The following IQCJ variants were observed in gnomAD, a reference collection of about 807,000 sequenced individuals.
The protein encoded by IQCJ is IQ motif containing J.
A neutral mutation model predicts 11.0 loss-of-function variants in IQCJ; 9 were observed. The ratio of observed to expected loss-of-function variants is 0.82; its 90% CI spans 0.49 to 1.43. IQCJ has a LOEUF of 1.43. IQCJ is among the 40% of genes most tolerant of loss of function. IQCJ has a pLI of 0.00. For missense variants in IQCJ, 146 were observed against 133.2 expected (o/e 1.10, Z -0.47); for synonymous variants, 55 against 51.3 (o/e 1.07, Z -0.31).
intron 1 of IQCJ, among the ~76,000 whole-genome samples, chr3:159,174,368 G>T (rs1722658192): frequency 6.6e-6 from 1 of 151,786 alleles, no homozygotes; most frequent in African/African-American, 2.4e-5. Flanking sequence ...ATTCTCTCAA[G>T]GTGCAAATGG....
At chr3:159,259,107 CA>C (rs1450657366) in intron 3 of IQCJ, among the ~76,000 whole-genome samples, 1 of 152,158 alleles carries the variant, frequency 6.6e-6, no homozygotes, top group Non-Finnish European at 1.5e-5. Flanking sequence ...TATGCATTGG[CA>C]ACCCGGACTG....
Position 159,090,231 on chromosome 3 carries a change from C to CG in IQCJ, c.9+20796dup, listed in dbSNP as rs938662994. ...TGGGGTGCCTCCCGGTTAGGCTGCT[C>CG]GGGGGGTCAGGGGTCAGGGGTCAGG... On this transcript the variant is annotated intron_variant, in intron 1 of 3. Coordinates refer to ENST00000397832, the MANE Select transcript of IQCJ (RefSeq NM_001042706.3). Among the ~76,000 whole-genome samples the CG allele has an allele frequency of 5.3e-5, 8 of 151,354 alleles. 1 individual carries two copies. The highest frequency in any genetic ancestry group is 1.5e-5 in the Non-Finnish European group (1 of 67,994).
intron 1 of IQCJ, among the ~76,000 whole-genome samples, chr3:159,127,658 G>C (rs1719752840): frequency 2.0e-5 from 3 of 152,150 alleles, no homozygotes; most frequent in Non-Finnish European, 4.4e-5. Flanking sequence ...AGTGCATTTA[G>C]TCGTGTTGAC....
At chr3:159,194,364 T>G (rs987974857) in intron 1 of IQCJ, among the ~76,000 whole-genome samples, 3 of 152,218 alleles carry the variant, frequency 2.0e-5, no homozygotes, top group Non-Finnish European at 2.9e-5. Context: ...CTCTGTATGT[T>G]AAGTGCCACT....
chr3:159,146,427 T>A (rs1289539603), intron 1 of IQCJ, among the ~76,000 whole-genome samples: 2 of 152,190 alleles, frequency 1.3e-5, no homozygotes, highest in Non-Finnish European at 2.9e-5. Flanking sequence ...CTTTGAAGCT[T>A]ACTTTAGATT....
chr3:159,265,335 C>T (rs563883596), downstream of IQCJ: 4 of 1,613,770 alleles, frequency 2.5e-6, no homozygotes, highest in South Asian at 1.1e-5. Flanking sequence ...GCTTGCCAGA[C>T]CCACTGGGTT....
intron 1 of IQCJ, among the ~76,000 whole-genome samples, chr3:159,129,418 C>T (rs1719866787): frequency 6.6e-6 from 1 of 152,124 alleles, no homozygotes; most frequent in African/African-American, 2.4e-5. Flanking sequence ...AAATATATTC[C>T]ATTATTTGTA....
chr3:159,095,536 C>T (rs1450560554), intron 1 of IQCJ, among the ~76,000 whole-genome samples: 1 of 113,456 alleles, frequency 8.8e-6, no homozygotes, highest in South Asian at 3.5e-4. Flanking sequence ...CACCACAGTC[C>T]CCAGAGTGTG....
chr3:159,200,744 G>A (rs1340510965), intron 1 of IQCJ, among the ~76,000 whole-genome samples: 1 of 152,146 alleles, frequency 6.6e-6, no homozygotes, highest in Non-Finnish European at 1.5e-5. Flanking sequence ...GAGAGGAAAA[G>A]GATATGGCTT....
At chr3:159,260,379 A>G (rs535844089) in intron 3 of IQCJ, among the ~76,000 whole-genome samples, 17 of 152,254 alleles carry the variant, frequency 1.1e-4, no homozygotes, top group South Asian at 4.1e-4. Context: ...TCAAAGTCCT[A>G]TAAAGTTGTG....
chr3:159,101,807 A>T (rs1288336999), intron 1 of IQCJ, among the ~76,000 whole-genome samples: 1 of 152,204 alleles, frequency 6.6e-6, no homozygotes, highest in Non-Finnish European at 1.5e-5. Flanking sequence ...ATGCTCAGTT[A>T]ACATGGTTTT....
At chr3:159,121,178 G>T (rs1181222888) in intron 1 of IQCJ, among the ~76,000 whole-genome samples, 2 of 150,370 alleles carry the variant, frequency 1.3e-5, no homozygotes, top group African/African-American at 4.9e-5. Context: ...CTGTTGCCCA[G>T]GCTGAAGTTC....
chr3:159,256,146 C>T (rs560834975), intron 3 of IQCJ, among the ~76,000 whole-genome samples: 1 of 152,306 alleles, frequency 6.6e-6, no homozygotes, highest in South Asian at 2.1e-4. Flanking sequence ...AAAAGTTGTT[C>T]ATTAGCTATG....
At chr3:159,161,671 G>GT (rs1397088235) in intron 1 of IQCJ, among the ~76,000 whole-genome samples, 1 of 152,114 alleles carries the variant, frequency 6.6e-6, no homozygotes, top group African/African-American at 2.4e-5. Flanking sequence ...TAGGTCTAAC[G>GT]TTTAAGTTTT....
chr3:159,218,660 A>G (rs1371922333), intron 1 of IQCJ, among the ~76,000 whole-genome samples: 1 of 152,154 alleles, frequency 6.6e-6, no homozygotes, highest in Admixed American at 6.5e-5. Context: ...TTATATTATC[A>G]GTGACGGTGA....
intron 1 of IQCJ, among the ~76,000 whole-genome samples, chr3:159,144,256 T>G (rs1241722884): frequency 2.0e-5 from 3 of 152,214 alleles, no homozygotes; most frequent in Admixed American, 6.5e-5. Flanking sequence ...GATCCAGGAC[T>G]GAACCCAAGC....
chr3:159,069,561 A>G, intron 1 of IQCJ, 120 bp downstream of exon 1: 1 of 1,407,172 alleles, frequency 7.1e-7, no homozygotes, highest in African/African-American at 1.4e-5. Context: ...AAAAGAGCTT[A>G]TAGAACAGTG....
At chr3:159,214,245 C>A (rs111686804) in intron 1 of IQCJ, among the ~76,000 whole-genome samples, 34 of 152,258 alleles carry the variant, frequency 2.2e-4, no homozygotes, top group African/African-American at 8.2e-4. Flanking sequence ...TTATTCTCTC[C>A]GTTAATGGAG....
chr3:159,170,252 C>A (rs1286856881), intron 1 of IQCJ, among the ~76,000 whole-genome samples: 1 of 151,750 alleles, frequency 6.6e-6, no homozygotes, highest in Non-Finnish European at 1.5e-5. Context: ...GTGTCATAGA[C>A]AAACGTTTTT....
Sources: gnomAD v4.1 joint callset for allele counts (sites outside exome capture counted in the v4.1 genomes callset) on GRCh38, gnomAD v4.1.1 for gene constraint, MANE v1.5 for transcripts, NCBI Gene and HGNC (gene_info 2026-07-23, HGNC 2026-07-21) for gene names.